The following NELL2 variants were observed in gnomAD, a reference collection of about 807,000 sequenced individuals.
The protein encoded by NELL2 is neural EGFL like 2.
A neutral mutation model predicts 109.6 loss-of-function variants in NELL2; 41 were observed. The observed-to-expected ratio is 0.37, with a 90% CI of 0.29 to 0.49. The LOEUF (loss-of-function observed/expected upper bound fraction) is 0.49. Among genes scored for constraint, NELL2 ranks in the 20% least tolerant of loss-of-function variants. NELL2 has a pLI of 0.98. For missense variants in NELL2, 900 were observed against 1,008.3 expected (o/e 0.89, Z 1.45); for synonymous variants, 355 against 344.7 (o/e 1.03, Z -0.33).
intron 2 of NELL2, among the ~76,000 whole-genome samples, chr12:44,837,262 CA>C (rs1055150301): frequency 1.3e-5 from 2 of 152,180 alleles, no homozygotes; most frequent in African/African-American, 2.4e-5. Context: ...CTGCAATATT[CA>C]CATATTGGAC....
intron 19 of NELL2, among the ~76,000 whole-genome samples, chr12:44,510,528 T>C (rs369925609): frequency 6.6e-6 from 1 of 152,242 alleles, no homozygotes; most frequent in Non-Finnish European, 1.5e-5. Context: ...AAAGGAAACC[T>C]GAAAAGATTT....
chr12:44,725,470 A>T lies in NELL2; in HGVS notation c.995-10729T>A, dbSNP rs568149055. On this transcript the variant is annotated intron_variant, in intron 9 of 19. Coordinates refer to ENST00000429094, the MANE Select transcript of NELL2 (RefSeq NM_001145108.2). ...GATTCCTCAAAAAAACTAAAAGCAG[A>T]ACTCCCATTCAGCCCAGCAATCCCA... Among the ~76,000 whole-genome samples, 13 of 152,290 alleles carry T rather than the reference A, an allele frequency of 8.5e-5. No homozygotes were observed. In the South Asian group the frequency reaches 2.7e-3, roughly 32 times the overall value.
intron 15 of NELL2, among the ~76,000 whole-genome samples, chr12:44,562,545 G>A (rs1326548308): frequency 2.6e-5 from 4 of 152,052 alleles, no homozygotes; most frequent in African/African-American, 9.7e-5. Flanking sequence ...ACATTCGTGT[G>A]ACCAACAAAC....
At chr12:44,538,382 A>G (rs1942386004) in intron 15 of NELL2, among the ~76,000 whole-genome samples, 1 of 152,238 alleles carries the variant, frequency 6.6e-6, no homozygotes. Context: ...CGTAAGAGGT[A>G]TCTAATATGT....
Position 44,882,787 on chromosome 12 carries a change from C to A in NELL2, c.39-6887G>T, listed in dbSNP as rs541537381. Among the ~76,000 whole-genome samples the A allele has an allele frequency of 8.7e-4, 131 of 150,784 alleles. 2 individuals carry two copies. The highest frequency in any genetic ancestry group is 3.1e-3 in the African/African-American group (128 of 40,884). ...AGGTGATCCACCCACCTCAGCCTCCCAAACTGCTGGGATTACAGGCGTGAG... is the reference window on the plus strand; with the variant it reads ...AGGTGATCCACCCACCTCAGCCTCCAAAACTGCTGGGATTACAGGCGTGAG... On this transcript the variant is annotated intron_variant, in intron 1 of 20. Coordinates refer to the NELL2 transcript ENST00000333837.
At chr12:44,539,106 C>A (rs904587809) in intron 15 of NELL2, among the ~76,000 whole-genome samples, 4 of 152,166 alleles carry the variant, frequency 2.6e-5, no homozygotes, top group African/African-American at 9.7e-5. Context: ...TGTTTCCCCC[C>A]ATATTCTCCT....
intron 1 of NELL2, among the ~76,000 whole-genome samples, chr12:44,882,834 C>CT (rs35577007): frequency 0.042 from 3,057 of 73,338 alleles, 135 homozygotes; most frequent in East Asian, 0.19. Context: ...GGCTATATAC[C>CT]TTTTTTTTTT....
At chr12:44,651,428 T>C (rs891302820) in intron 13 of NELL2, among the ~76,000 whole-genome samples, 1 of 152,212 alleles carries the variant, frequency 6.6e-6, no homozygotes, top group Non-Finnish European at 1.5e-5. Context: ...TTATACACTT[T>C]GCAATAAATT....
chr12:44,576,809 T>C (rs544193602), intron 15 of NELL2, among the ~76,000 whole-genome samples: 66 of 152,028 alleles, frequency 4.3e-4, no homozygotes, highest in African/African-American at 1.3e-3. Flanking sequence ...GGTTTTTTGT[T>C]CTTGCGATAG....
chr12:44,560,058 A>G (rs1943409651), intron 15 of NELL2, among the ~76,000 whole-genome samples: 1 of 152,224 alleles, frequency 6.6e-6, no homozygotes. Flanking sequence ...GAAACTGAAC[A>G]ACATGCTCCA....
chr12:44,637,733 C>T (rs982415248), intron 13 of NELL2, among the ~76,000 whole-genome samples: 1 of 151,266 alleles, frequency 6.6e-6, no homozygotes, highest in African/African-American at 2.4e-5. Flanking sequence ...AATGCAACAA[C>T]CTCAGTTTGG....
At chr12:44,571,718 A>G (rs945436409) in intron 15 of NELL2, among the ~76,000 whole-genome samples, 2 of 152,274 alleles carry the variant, frequency 1.3e-5, no homozygotes, top group African/African-American at 4.8e-5. Flanking sequence ...TATGTGCAAT[A>G]TGAGAAGTTG....
At chr12:44,866,983 C>A (rs1435438379) in intron 2 of NELL2, among the ~76,000 whole-genome samples, 1 of 151,948 alleles carries the variant, frequency 6.6e-6, no homozygotes, top group African/African-American at 2.4e-5. Context: ...AACTTGTAAG[C>A]AAATTGAATC....
chr12:44,830,222 A>G (rs888091148), intron 2 of NELL2, among the ~76,000 whole-genome samples: 1 of 152,184 alleles, frequency 6.6e-6, no homozygotes, highest in Admixed American at 6.5e-5. Flanking sequence ...CCACAAGCAG[A>G]TTCTAACAGA....
chr12:44,655,777 T>C (rs1167927086), intron 13 of NELL2, among the ~76,000 whole-genome samples: 1 of 152,228 alleles, frequency 6.6e-6, no homozygotes, highest in African/African-American at 2.4e-5. Flanking sequence ...CATGTTTATA[T>C]TTTCAAATTA....
At chr12:44,571,411 A>G (rs1406613021) in intron 15 of NELL2, among the ~76,000 whole-genome samples, 1 of 152,186 alleles carries the variant, frequency 6.6e-6, no homozygotes, top group Non-Finnish European at 1.5e-5. Context: ...GACTGGGTTG[A>G]AATGGTATAT....
rs1387875390 is a variant in NELL2 at position 44,654,454 on chromosome 12, A to G, written c.1444+11030T>C. Among the ~76,000 whole-genome samples, 5 of 152,264 alleles carry G rather than the reference A, an allele frequency of 3.3e-5. No individual in the cohort carries two copies. In the East Asian group the frequency reaches 7.7e-4, roughly 24 times the overall value. ...TCTAAAATGGTCCCCTCTGATATCT[A>G]TCTCCTGCTAGCCATACCTTTGTGT... On this transcript the variant is annotated intron_variant, in intron 13 of 19. Coordinates refer to ENST00000429094, the MANE Select transcript of NELL2 (RefSeq NM_001145108.2).
chr12:44,525,364 C>T lies in NELL2; in HGVS notation c.1805-1880G>A, dbSNP rs113123002. On this transcript the variant is annotated intron_variant, in intron 16 of 19. Coordinates refer to ENST00000429094, the MANE Select transcript of NELL2 (RefSeq NM_001145108.2). ...AAATAGAGTAAAAAGTTGCTCATAA[C>T]GATGGTTGGCATGTACTTGTTATAC... Among the ~76,000 whole-genome samples the T allele has an allele frequency of 5.7e-3, 862 of 152,254 alleles. 8 individuals are homozygous for T. The highest frequency in any genetic ancestry group is 0.018 in the African/African-American group (727 of 41,540).
intron 15 of NELL2, among the ~76,000 whole-genome samples, chr12:44,600,853 T>G (rs998002842): frequency 6.6e-6 from 1 of 152,222 alleles, no homozygotes; most frequent in Admixed American, 6.5e-5. Flanking sequence ...TTTGTACTTT[T>G]AAATTTTATA....
Sources: gnomAD v4.1 joint callset for allele counts (sites outside exome capture counted in the v4.1 genomes callset) on GRCh38, gnomAD v4.1.1 for gene constraint, MANE v1.5 for transcripts, NCBI Gene and HGNC (gene_info 2026-07-23, HGNC 2026-07-21) for gene names.